The following KNTC1 variants were observed in gnomAD, a reference collection of about 807,000 sequenced individuals.
The protein encoded by KNTC1 is kinetochore associated 1.
A neutral mutation model predicts 314.4 loss-of-function variants in KNTC1; 253 were observed. The observed-to-expected ratio is 0.80, with a 90% confidence interval of 0.73 to 0.89. KNTC1 has a LOEUF of 0.89. Ranked by LOEUF, KNTC1 falls within the 40% of genes least tolerant of loss-of-function variation. The probability of loss-of-function intolerance (pLI) is 0.00; values close to 1 mark genes in which losing one functional copy is unlikely to be tolerated. For synonymous variants in KNTC1, 901 were observed against 901.4 expected, an observed-to-expected ratio of 1.00 and a Z score of 0.01; for missense variants, 2,475 against 2,572.9, an observed-to-expected ratio of 0.96 and a Z score of 0.82.
chr12:122,605,290 A>G lies in KNTC1; in HGVS notation c.5387-16A>G, dbSNP rs1387794832. 6.7e-7 allele frequency: 1 copy of G among 1,492,366 alleles called. No homozygotes were observed. Among genetic ancestry groups the G allele is most frequent in the South Asian group, 1.2e-5 (1 of 81,014 alleles). The allele number at this position is 1,492,366 out of a possible 1,614,324, so 92.4% of individuals were successfully genotyped here. A position where few individuals can be genotyped will look rare whatever the true frequency, so the allele number is the denominator to read the frequency against. ...TAAAACTTGAGTTTTTCTTTTCTTT[A>G]TTTTGAATATCTTAGATATTCATGC... On this transcript the variant is annotated splice_polypyrimidine_tract_variant and intron_variant, in intron 50 of 63. Transcript: ENST00000333479.
At chr12:122,616,463 G>A (rs1040234806) in intron 57 of KNTC1, among the ~76,000 whole-genome samples, 8 of 152,032 alleles carry the variant, frequency 5.3e-5, no homozygotes, top group Non-Finnish European at 7.4e-5. Context: ...GGGTTTCACC[G>A]TGTTAGCCAG....
chr12:122,547,467 C>T lies in KNTC1; in HGVS notation c.869C>T (p.Pro290Leu), dbSNP rs1216492034. ...IYTLTPVWNWPSLHVEEFLLT... is the reference protein window; with the variant it reads ...IYTLTPVWNWLSLHVEEFLLT... ...ACTCTAACTCCTGTATGGAACTGGC[C>T]CTCTCTTCACGTAGAAGAGTTTCTT... is the stretch of plus-strand genomic sequence containing the variant. The change falls in exon 11 of 64, where the codon CCC becomes CTC. Residue 290 changes from proline (P) to leucine (L), a missense_variant. Transcript: ENST00000333479. 6.2e-7 allele frequency: 1 copy of T among 1,613,220 alleles called. No homozygotes were observed. Among genetic ancestry groups the T allele is most frequent in the Non-Finnish European group, 8.5e-7 (1 of 1,179,426 alleles).
intron 61 of KNTC1, 95 bp downstream of exon 61, chr12:122,622,065 T>A: frequency 3.5e-6 from 3 of 849,214 alleles, no homozygotes; most frequent in Non-Finnish European, 5.7e-6. Flanking sequence ...AACTGCTATG[T>A]CTAGCTGTTT....
chr12:122,577,057 T>C (rs1965077201), intron 30 of KNTC1, 28 bp downstream of exon 30: 3 of 1,463,738 alleles, frequency 2.0e-6, no homozygotes, highest in East Asian at 5.3e-5. Context: ...TGTCATTTCA[T>C]ATGGCTTCTT....
At chr12:122,595,577 C>A (rs771010653) in intron 43 of KNTC1, among the ~76,000 whole-genome samples, 2 of 152,104 alleles carry the variant, frequency 1.3e-5, no homozygotes, top group East Asian at 3.8e-4. Context: ...GGGGAAAGAC[C>A]GTGGCTGTCA....
In KNTC1 at chr12:122,613,238, G is replaced by A. The variant is rs909074641; in HGVS notation, c.5741+8G>A. ...ACCCATTGAAGAAGTGAAGTAAGTA[G>A]AAATGTTTAAATTGTATTAAGAAAT... On this transcript the variant is annotated splice_region_variant and intron_variant, in intron 54 of 63. Coordinates refer to ENST00000333479, the MANE Select transcript of KNTC1 (RefSeq NM_014708.6). 9 of 1,497,590 alleles carry A rather than the reference G, an allele frequency of 6.0e-6. No individual in the cohort carries two copies. The African/African-American group carries it at 1.2e-4, about 21-fold the overall frequency. The allele number at this position is 1,497,590 out of a possible 1,614,324, so 92.8% of individuals were successfully genotyped here. A position where few individuals can be genotyped will look rare whatever the true frequency, so the allele number is the denominator to read the frequency against.
intron 51 of KNTC1, among the ~76,000 whole-genome samples, chr12:122,607,012 G>A (rs1013489087): frequency 1.3e-5 from 2 of 152,102 alleles, no homozygotes; most frequent in Admixed American, 6.6e-5. Flanking sequence ...TTCTCCCCCA[G>A]GTCCAGGATC....
At chr12:122,603,673 A>G (rs1189706603) in intron 48 of KNTC1, among the ~76,000 whole-genome samples, 2 of 152,030 alleles carry the variant, frequency 1.3e-5, no homozygotes, top group East Asian at 3.9e-4. Flanking sequence ...TTGTATTTTT[A>G]GTAGAGATGG....
chr12:122,582,168 A>G (rs369859015), intron 33 of KNTC1, among the ~76,000 whole-genome samples: 9 of 152,156 alleles, frequency 5.9e-5, no homozygotes, highest in African/African-American at 2.2e-4. Context: ...TGTAATCCCA[A>G]CGCTTTGGGA....
chr12:122,577,881 G>C (rs1965137864), intron 31 of KNTC1, 90 bp downstream of exon 31: 4 of 1,179,460 alleles, frequency 3.4e-6, no homozygotes, highest in Middle Eastern at 2.4e-4. Context: ...CACATATGAA[G>C]ATCTGCTCTT....
At position 122,591,322 on chromosome 12, in the gene KNTC1, CTT is replaced by C. The variant is rs568176991; in HGVS notation, c.4129-12_4129-11del. On this transcript the variant is annotated splice_polypyrimidine_tract_variant and intron_variant, in intron 41 of 63. Transcript: ENST00000333479. ...CTACTTACGATTGAACTTTAATTCT[CTT>C]TTAATTTTTTAGGCAATATCTCTGG... is the stretch of plus-strand genomic sequence containing the variant. 950 of 1,353,696 alleles carry C rather than the reference CTT, an allele frequency of 7.0e-4. 1 individual carries two copies. In the Middle Eastern group the frequency reaches 0.01, roughly 15 times the overall value. The allele number at this position is 1,353,696 out of a possible 1,614,324, so 83.9% of individuals were successfully genotyped here.
rs758445709 is a variant in KNTC1 at position 122,591,403 on chromosome 12, C to CCCAT, written c.4195_4196insCCAT (p.Arg1399ProfsTer3). ...GGAAATAGAAATGGGGCTTAAGTTC[C>CCCAT]GTGAACTCAGTACTGATGCCCAGTG... On this transcript the variant is annotated frameshift_variant, in exon 42 of 64. Coordinates refer to ENST00000333479, the MANE Select transcript of KNTC1 (RefSeq NM_014708.6). LOFTEE classifies it high-confidence loss of function. 1.2e-6 allele frequency: 2 copies of CCCAT among 1,611,766 alleles called. No homozygotes were observed. The highest frequency in any genetic ancestry group is 2.7e-5 in the African/African-American group (2 of 74,814).
chr12:122,568,827 C>T (rs953077416), intron 21 of KNTC1, among the ~76,000 whole-genome samples: 1 of 151,226 alleles, frequency 6.6e-6, no homozygotes, highest in Non-Finnish European at 1.5e-5. Context: ...CAGAGTGAGA[C>T]TCCGTCCCAA....
chr12:122,543,678 T>C (rs1962525185), intron 7 of KNTC1, 44 bp downstream of exon 7: 2 of 1,210,568 alleles, frequency 1.7e-6, no homozygotes, highest in South Asian at 2.8e-5. Flanking sequence ...AAATTACATT[T>C]AATATTAATG....
At position 122,529,927 on chromosome 12, in the gene KNTC1, C is replaced by G. The variant is rs548005052; in HGVS notation, c.-73-64C>G. The G allele has an allele frequency of 3.1e-5, 27 of 885,016 alleles. No individual in the cohort carries two copies. In the South Asian group the frequency reaches 4.6e-4, roughly 15 times the overall value. 54.8% of individuals were successfully genotyped at this position (885,016 alleles called of 1,614,324 possible). ...GATGTCTGTATATGTTAATGTTAGA[C>G]TTTTGTTTTTGTTTTGTGAGTAAGC... On this transcript the variant is annotated intron_variant, in intron 1 of 63. Transcript: ENST00000333479.
intron 27 of KNTC1, 58 bp downstream of exon 27, chr12:122,574,438 C>CT (rs1254471789): frequency 1.9e-6 from 2 of 1,052,632 alleles, no homozygotes; most frequent in South Asian, 1.4e-5. Context: ...TTTCTGAAAG[C>CT]TTTTTTCTGT....
At chr12:122,534,900 C>A in intron 3 of KNTC1, 116 bp downstream of exon 3, 2 of 1,010,090 alleles carry the variant, frequency 2.0e-6, no homozygotes, top group South Asian at 1.5e-5. Flanking sequence ...CAAATTAGAC[C>A]AATTTCAAGT....
At chr12:122,603,964 T>A (rs1872285899) in intron 48 of KNTC1, among the ~76,000 whole-genome samples, 1 of 152,084 alleles carries the variant, frequency 6.6e-6, no homozygotes, top group South Asian at 2.1e-4. Context: ...GAACGAAATA[T>A]TATGGGGCTG....
chr12:122,551,880 T>A (rs1963221623), intron 16 of KNTC1, among the ~76,000 whole-genome samples, 184 bp downstream of exon 16: 1 of 152,046 alleles, frequency 6.6e-6, no homozygotes, highest in Admixed American at 6.6e-5. Context: ...AAGATGTTAC[T>A]GAGGAGGTCG....
Sources: allele counts gnomAD v4.1 joint callset (sites outside exome capture counted in the v4.1 genomes callset), GRCh38; gene constraint gnomAD v4.1.1; transcripts MANE v1.5; gene names NCBI Gene and HGNC (gene_info 2026-07-23, HGNC 2026-07-21).